The following GDF7 variants were observed in gnomAD, a reference collection of about 807,000 sequenced individuals.
The protein encoded by GDF7 is growth/differentiation factor 7.
Under a neutral mutation model 13.4 loss-of-function variants are expected in GDF7, and 12 were observed. The ratio of observed to expected loss-of-function variants is 0.90; its 90% confidence interval spans 0.57 to 1.45. GDF7 has a LOEUF of 1.45. GDF7 is among the 40% of genes most tolerant of loss of function. The probability of loss-of-function intolerance (pLI) is 0.00; values close to 1 mark genes in which losing one functional copy is unlikely to be tolerated. For missense variants in GDF7, 651 were observed against 652.4 expected (o/e 1.00, Z 0.02); for synonymous variants, 330 against 306.4 (o/e 1.08, Z -0.80).
Position 20,671,593 on chromosome 2 carries a change from AC to A in GDF7, c.*169del. On this transcript the variant is annotated 3_prime_UTR_variant, in exon 2 of 2. Transcript: ENST00000272224. Reference sequence around the variant, plus strand: ...CACACACACTCGTGCAGTCACGCACACATTTACCGGGGACAGCATGTGAAAG... The same window carrying A: ...CACACACACTCGTGCAGTCACGCACAATTTACCGGGGACAGCATGTGAAAG... The A allele has an allele frequency of 1.5e-6, 1 of 668,714 alleles. No individual in the cohort carries two copies. The highest frequency in any genetic ancestry group is 2.5e-6 in the Non-Finnish European group (1 of 399,568). The allele number at this position is 668,714 out of a possible 1,614,324, so 41.4% of individuals were successfully genotyped here. A position where few individuals can be genotyped will look rare whatever the true frequency, so the allele number is the denominator to read the frequency against.
Position 20,675,743 on chromosome 2 carries a change from C to G in GDF7, c.*4318C>G, listed in dbSNP as rs773599800. The G allele has an allele frequency of 6.6e-6, 1 of 152,348 alleles. No homozygotes were observed. The highest frequency in any genetic ancestry group is 6.5e-5 in the Admixed American group (1 of 15,284). The allele number at this position is 152,348 out of a possible 1,614,324, so 9.4% of individuals were successfully genotyped here. A position where few individuals can be genotyped will look rare whatever the true frequency, so the allele number is the denominator to read the frequency against. On this transcript the variant is annotated 3_prime_UTR_variant, in exon 2 of 2. Coordinates refer to ENST00000272224, the MANE Select transcript of GDF7 (RefSeq NM_182828.4). ...TCTCCCAATCCCAGTCCCAGAGCCTCATCTTACCGGTTTCGCAGCTCTTGC... is the reference window on the plus strand; with the variant it reads ...TCTCCCAATCCCAGTCCCAGAGCCTGATCTTACCGGTTTCGCAGCTCTTGC...
chr2:20,670,512 G>A lies in GDF7; in HGVS notation c.440G>A (p.Ser147Asn). The A allele has an allele frequency of 1.9e-6, 3 of 1,594,880 alleles. No homozygotes were observed. Among genetic ancestry groups the A allele is most frequent in the Non-Finnish European group, 2.6e-6 (3 of 1,172,090 alleles). ...CAGAGCTTCCTGTTCGACGTGTCCA[G>A]CCTTAACGACGCAGACGAGGTGGTG... ...TGQSFLFDVS[S>N]LNDADEVVGA... Residue 147 changes from serine (S) to asparagine (N), a missense_variant, in exon 2 of 2, where the codon AGC becomes AAC. Ser to Asn is a conservative substitution (Grantham distance 46). Coordinates refer to ENST00000272224, the MANE Select transcript of GDF7 (RefSeq NM_182828.4).
Position 20,670,961 on chromosome 2 carries a change from T to C in GDF7, c.889T>C (p.Ser297Pro). 6.4e-7 allele frequency: 1 copy of C among 1,561,694 alleles called. No individual in the cohort carries two copies. The highest frequency in any genetic ancestry group is 8.6e-7 in the Non-Finnish European group (1 of 1,161,450). The change falls in exon 2 of 2, where the codon TCA (serine) becomes CCA (proline). Residue 297 changes from serine (S) to proline (P), a missense_variant. Ser to Pro is a moderately conservative substitution (Grantham distance 74). This residue lies in a region of GDF7 where 487 missense variants were observed against 445.9 expected (regional missense o/e 1.09). Transcript: ENST00000272224. The stretch of plus-strand genomic sequence containing the variant: ...CCGCGCGCTCGGGGCCGCTCTGGCC[T>C]CAGAGCCGCTGCCCGACCCAGGAAC... ...QARALGAALA[S>P]EPLPDPGTGT...
chr2:20,671,021 C>G lies in GDF7; in HGVS notation c.949C>G (p.Arg317Gly), dbSNP rs748206775. ...TASPRAVIGG[R>G]RRRRTALAGT... ...GTCGCCAAGGGCAGTCATTGGCGGC[C>G]GCAGACGGAGGAGGACGGCGTTGGC... Residue 317 changes from arginine (R) to glycine (G), a missense_variant, in exon 2 of 2, where the codon CGC (arginine) becomes GGC (glycine). Around this residue, in one of 4 missense-constraint regions of GDF7, gnomAD observed 487 missense variants for 445.9 expected, o/e 1.09. Transcript: ENST00000272224. 6.5e-7 allele frequency: 1 copy of G among 1,534,464 alleles called. No individual in the cohort carries two copies. The highest frequency in any genetic ancestry group is 1.9e-5 in the Admixed American group (1 of 51,398).
At position 20,667,592 on chromosome 2, in the gene GDF7, C is replaced by A; in HGVS notation, c.353C>A (p.Ala118Glu). 1 of 1,512,294 alleles carries A rather than the reference C, an allele frequency of 6.6e-7. No homozygotes were observed. The highest frequency in any genetic ancestry group is 8.8e-7 in the Non-Finnish European group (1 of 1,137,192). The allele number at this position is 1,512,294 out of a possible 1,614,324, so 93.7% of individuals were successfully genotyped here. A position where few individuals can be genotyped will look rare whatever the true frequency, so the allele number is the denominator to read the frequency against. ...AAVSASGHGR[A>E]DTITGFTDQA... Reference sequence around the variant, plus strand: ...GTCTCCGCCTCGGGCCATGGTCGCGCGGACACGATCACCGGCTTCACAGAC... The same window carrying A: ...GTCTCCGCCTCGGGCCATGGTCGCGAGGACACGATCACCGGCTTCACAGAC... The change falls in exon 1 of 2, where the codon GCG becomes GAG. Residue 118 changes from alanine (A) to glutamate (E), a missense_variant. Physicochemically the swap from Ala to Glu is moderately radical, Grantham distance 107 (BLOSUM62 -1). This residue lies in a region of GDF7 where 487 missense variants were observed against 445.9 expected (regional missense o/e 1.09). Transcript: ENST00000272224. This position sits in a 1 kb window ranked among gnomAD's most constrained non-coding sequence, Gnocchi z 6.4.
In GDF7 at chr2:20,667,572, C is replaced by T. The variant is rs140362230; in HGVS notation, c.333C>T (p.Ser111=). The T allele has an allele frequency of 4.9e-3, 7,324 of 1,507,138 alleles. 171 individuals carry two copies. In the African/African-American group the frequency reaches 0.054, roughly 11 times the overall value. The allele number at this position is 1,507,138 out of a possible 1,614,324, so 93.4% of individuals were successfully genotyped here. The change falls in exon 1 of 2, where the codon TCC becomes TCT. Residue 111 remains serine, a synonymous_variant. Transcript: ENST00000272224. The surrounding 1 kb of genome is among the most constrained non-coding windows in gnomAD (Gnocchi z 6.4). ...GRAPAGAAAV[S]ASGHGRADTI... is the part of the protein sequence containing the mutation. ...CTCCGGCCGGGGCAGCCGCTGTCTCCGCCTCGGGCCATGGTCGCGCGGACA... is the reference window on the plus strand; with the variant it reads ...CTCCGGCCGGGGCAGCCGCTGTCTCTGCCTCGGGCCATGGTCGCGCGGACA...
In GDF7 at chr2:20,672,926, A is replaced by C. The variant is rs1662155001; in HGVS notation, c.*1501A>C. On this transcript the variant is annotated 3_prime_UTR_variant, in exon 2 of 2. Transcript: ENST00000272224. ...TTTTTGTCAATAGGCTGGGAGAGGGAACCTAGTTGGACTCCAGCTGTCCGG... is the reference window on the plus strand; with the variant it reads ...TTTTTGTCAATAGGCTGGGAGAGGGCACCTAGTTGGACTCCAGCTGTCCGG... 1 of 151,974 alleles carries C rather than the reference A, an allele frequency of 6.6e-6. No homozygotes were observed. 9.4% of individuals were successfully genotyped at this position (151,974 alleles called of 1,614,324 possible). A position where few individuals can be genotyped will look rare whatever the true frequency, so the allele number is the denominator to read the frequency against.
In GDF7 at chr2:20,670,913, T is replaced by A; in HGVS notation, c.841T>A (p.Phe281Ile). ...CCGCACGCAGAGGAAAGAGAGCTTA[T>A]TCCGGGAGATCCGCGCCCAGGCCCG... Reference protein sequence around the residue: ...SSRTQRKESLFREIRAQARAL... With the variant: ...SSRTQRKESLIREIRAQARAL... The change falls in exon 2 of 2, where the codon TTC (phenylalanine) becomes ATC (isoleucine). Residue 281 changes from phenylalanine to isoleucine, a missense_variant. Physicochemically the swap from Phe to Ile is conservative, Grantham distance 21 (BLOSUM62 0). Coordinates refer to ENST00000272224, the MANE Select transcript of GDF7 (RefSeq NM_182828.4). 6.4e-7 allele frequency: 1 copy of A among 1,566,732 alleles called. No individual in the cohort carries two copies. The highest frequency in any genetic ancestry group is 8.6e-7 in the Non-Finnish European group (1 of 1,165,484).
intron 1 of GDF7, among the ~76,000 whole-genome samples, chr2:20,670,051 C>A (rs1299341001): frequency 1.3e-5 from 2 of 152,200 alleles, no homozygotes. Context: ...GGAGGGGGTG[C>A]ACGACTTCTT....
At chr2:20,668,943 G>T (rs1662043122) in intron 1 of GDF7, among the ~76,000 whole-genome samples, 1 of 152,214 alleles carries the variant, frequency 6.6e-6, no homozygotes, top group African/African-American at 2.4e-5. Flanking sequence ...GAAGGGGGGT[G>T]TGCTGGGCTC....
In GDF7 at chr2:20,667,678, GA is replaced by G; in HGVS notation, c.391+49del. The G allele has an allele frequency of 7.6e-7, 1 of 1,314,970 alleles. No homozygotes were observed. Among genetic ancestry groups the G allele is most frequent in the Non-Finnish European group, 9.7e-7 (1 of 1,029,116 alleles). 81.5% of individuals were successfully genotyped at this position (1,314,970 alleles called of 1,614,324 possible). A position where few individuals can be genotyped will look rare whatever the true frequency, so the allele number is the denominator to read the frequency against. ...CGCCCATCCCGTCAGGTCCTGGGCT[GA>G]GACCAGCCCCGGAGCCGTGCCGCAG... is the stretch of plus-strand genomic sequence containing the variant. On this transcript the variant is annotated intron_variant, in intron 1 of 1. Coordinates refer to ENST00000272224, the MANE Select transcript of GDF7 (RefSeq NM_182828.4). This position sits in a 1 kb window ranked among gnomAD's most constrained non-coding sequence, Gnocchi z 6.4.
Position 20,675,580 on chromosome 2 carries a change from C to G in GDF7, c.*4155C>G, listed in dbSNP as rs1662205972. The G allele has an allele frequency of 6.6e-6, 1 of 152,254 alleles. No individual in the cohort carries two copies. Among genetic ancestry groups the G allele is most frequent in the Non-Finnish European group, 1.5e-5 (1 of 68,080 alleles). 9.4% of individuals were successfully genotyped at this position (152,254 alleles called of 1,614,324 possible). On this transcript the variant is annotated 3_prime_UTR_variant, in exon 2 of 2. Transcript: ENST00000272224. ...TCTGAGGCAAGTTATGGGCAGTCAC[C>G]TCCCTGCTGGAGCTTCATCTTCTGC... is the stretch of plus-strand genomic sequence containing the variant.
At chr2:20,668,656 T>C (rs1206584179) in intron 1 of GDF7, among the ~76,000 whole-genome samples, 1 of 152,208 alleles carries the variant, frequency 6.6e-6, no homozygotes. Flanking sequence ...ACAGTCAGCA[T>C]ACCTCAGGTC....
chr2:20,678,415 A>G lies in GDF7; in HGVS notation c.*6990A>G, dbSNP rs1662269078. The G allele has an allele frequency of 6.6e-6, 1 of 152,276 alleles. No individual in the cohort carries two copies. The highest frequency in any genetic ancestry group is 2.4e-5 in the African/African-American group (1 of 41,478). 9.4% of individuals were successfully genotyped at this position (152,276 alleles called of 1,614,324 possible). On this transcript the variant is annotated 3_prime_UTR_variant, in exon 2 of 2. Transcript: ENST00000272224. ...TAATGCATTTTTTACAAGGATTAAC[A>G]TGCTAACTACAACTTGCCCTTTCAG...
In GDF7 at chr2:20,670,753, C is replaced by G. The variant is rs1323604928; in HGVS notation, c.681C>G (p.Pro227=). 6.7e-7 allele frequency: 1 copy of G among 1,485,532 alleles called. No individual in the cohort carries two copies. The highest frequency in any genetic ancestry group is 1.3e-5 in the South Asian group (1 of 77,424). 92.0% of individuals were successfully genotyped at this position (1,485,532 alleles called of 1,614,324 possible). Residue 227 remains proline, a synonymous_variant, in exon 2 of 2, where the codon CCC becomes CCG. Coordinates refer to ENST00000272224, the MANE Select transcript of GDF7 (RefSeq NM_182828.4). ...MRRHRREPRP[P]RAFCLLLRAV... ...GCCACCGTCGTGAACCGCGCCCCCCCCGCGCGTTCTGCCTCTTGCTGCGCG... is the reference window on the plus strand; with the variant it reads ...GCCACCGTCGTGAACCGCGCCCCCCGCGCGCGTTCTGCCTCTTGCTGCGCG...
Position 20,671,568 on chromosome 2 carries a change from C to A in GDF7, c.*143C>A. 1.3e-6 allele frequency: 1 copy of A among 777,670 alleles called. No homozygotes were observed. The highest frequency in any genetic ancestry group is 2.0e-6 in the Non-Finnish European group (1 of 490,318). The allele number at this position is 777,670 out of a possible 1,614,324, so 48.2% of individuals were successfully genotyped here. A position where few individuals can be genotyped will look rare whatever the true frequency, so the allele number is the denominator to read the frequency against. ...AGGAGGGAGAGCACACGTTCACACTCACACACACTCGTGCAGTCACGCACA... is the reference window on the plus strand; with the variant it reads ...AGGAGGGAGAGCACACGTTCACACTAACACACACTCGTGCAGTCACGCACA... On this transcript the variant is annotated 3_prime_UTR_variant, in exon 2 of 2. Coordinates refer to ENST00000272224, the MANE Select transcript of GDF7 (RefSeq NM_182828.4).
rs1440560956 is a variant in GDF7, at chr2:20,677,208, G to T, written c.*5783G>T. 1 of 152,230 alleles carries T rather than the reference G, an allele frequency of 6.6e-6. No homozygotes were observed. The highest frequency in any genetic ancestry group is 1.5e-5 in the Non-Finnish European group (1 of 68,050). The allele number at this position is 152,230 out of a possible 1,614,324, so 9.4% of individuals were successfully genotyped here. ...TGCTTCACTCCAGAGAGGGCCACCTGATAGAAGCTGTATTACAGAAACTTT... is the reference window on the plus strand; with the variant it reads ...TGCTTCACTCCAGAGAGGGCCACCTTATAGAAGCTGTATTACAGAAACTTT... On this transcript the variant is annotated 3_prime_UTR_variant, in exon 2 of 2. Coordinates refer to ENST00000272224, the MANE Select transcript of GDF7 (RefSeq NM_182828.4).
In GDF7 at chr2:20,671,509, G is replaced by C; in HGVS notation, c.*84G>C. On this transcript the variant is annotated 3_prime_UTR_variant, in exon 2 of 2. Transcript: ENST00000272224. ...GCGGGCCACCCTGTCACCGAGCGTG[G>C]GTGCATGTCCGATGTGACCCAGCAC... The C allele has an allele frequency of 1.4e-6, 2 of 1,435,762 alleles. No homozygotes were observed. Among genetic ancestry groups the C allele is most frequent in the Non-Finnish European group, 1.9e-6 (2 of 1,058,000 alleles). 88.9% of individuals were successfully genotyped at this position (1,435,762 alleles called of 1,614,324 possible).
rs1234714452 is a variant in GDF7 at position 20,670,998 on chromosome 2, C to T, written c.926C>T (p.Ser309Leu). Residue 309 changes from serine (S) to leucine (L), a missense_variant, in exon 2 of 2, where the codon TCG (serine) becomes TTG (leucine). Transcript: ENST00000272224. ...PLPDPGTGTA[S>L]PRAVIGGRRR... ...CCCGACCCAGGAACCGGCACCGCGT[C>T]GCCAAGGGCAGTCATTGGCGGCCGC... is the stretch of plus-strand genomic sequence containing the variant. 6.5e-7 allele frequency: 1 copy of T among 1,550,328 alleles called. No individual in the cohort carries two copies. Among genetic ancestry groups the T allele is most frequent in the South Asian group, 1.2e-5 (1 of 84,400 alleles).
Sources: gnomAD v4.1 joint callset for allele counts (sites outside exome capture counted in the v4.1 genomes callset) on GRCh38, gnomAD v4.1.1 for gene constraint, gnomAD v4.1.1 regional missense constraint, Gnocchi (gnomAD v3.1) non-coding constraint, MANE v1.5 for transcripts, NCBI Gene and HGNC (gene_info 2026-07-23, HGNC 2026-07-21) for gene names.